The following WWOX variants were observed in gnomAD, a reference collection of about 807,000 sequenced individuals.
WWOX encodes the protein WW domain containing oxidoreductase.
WWOX carries 69 observed loss-of-function variants against 46.2 expected under a neutral mutation model. That is an observed-to-expected ratio of 1.49 (90% confidence interval 1.23 to 1.82). The LOEUF is 1.82. WWOX is among the 40% of genes most tolerant of loss of function. The pLI is 0.00. For synonymous variants in WWOX, 359 were observed against 202.6 expected (o/e 1.77, Z -6.56); for missense variants, 919 against 542.6 (o/e 1.69, Z -6.89).
At chr16:78,826,934 A>G (rs928512663) in intron 8 of WWOX, among the ~76,000 whole-genome samples, 3 of 152,122 alleles carry the variant, frequency 2.0e-5, no homozygotes, top group Non-Finnish European at 2.9e-5. Flanking sequence ...CCGGACACCA[A>G]GCTATTACAT....
chr16:78,911,721 C>T (rs894464528), intron 8 of WWOX, among the ~76,000 whole-genome samples: 16 of 151,958 alleles, frequency 1.1e-4, no homozygotes, highest in Non-Finnish European at 2.1e-4. Context: ...CAAAAATTAG[C>T]CAGACGTGAT....
chr16:78,815,834 A>T (rs1426845360), intron 8 of WWOX, among the ~76,000 whole-genome samples: 1 of 152,186 alleles, frequency 6.6e-6, no homozygotes, highest in Non-Finnish European at 1.5e-5. Flanking sequence ...CTATGAGTCC[A>T]TGCTGACATC....
chr16:78,520,388 C>G (rs1474112589), intron 8 of WWOX, among the ~76,000 whole-genome samples: 1 of 152,164 alleles, frequency 6.6e-6, no homozygotes, highest in Non-Finnish European at 1.5e-5. Context: ...ATTTTCATGT[C>G]TCGAAGACTT....
In WWOX at chr16:78,339,201, A is replaced by C. The variant is rs1045248914; in HGVS notation, c.517-47659A>C. The stretch of plus-strand genomic sequence containing the variant: ...TTGTTATAAATAAGTAAGTGTATGC[A>C]CCACTATGCCATGTAGCATATCAAG... On this transcript the variant is annotated intron_variant, in intron 5 of 8. Coordinates refer to ENST00000566780, the MANE Select transcript of WWOX (RefSeq NM_016373.4). Among the ~76,000 whole-genome samples, 35 of 119,504 alleles carry C rather than the reference A, an allele frequency of 2.9e-4. 9 individuals carry two copies. Among genetic ancestry groups the C allele is most frequent in the Non-Finnish European group, 1.2e-4 (6 of 50,168 alleles). 78.4% of individuals were successfully genotyped at this position (119,504 alleles called of 152,430 possible). A position where few individuals can be genotyped will look rare whatever the true frequency, so the allele number is the denominator to read the frequency against.
At chr16:78,442,006 T>C (rs1448561180) in intron 8 of WWOX, among the ~76,000 whole-genome samples, 2 of 151,434 alleles carry the variant, frequency 1.3e-5, no homozygotes, top group African/African-American at 4.9e-5. Context: ...GCATGGTGGC[T>C]CTTGCCTATA....
intron 8 of WWOX, among the ~76,000 whole-genome samples, chr16:78,827,229 A>T (rs1255048353): frequency 6.6e-6 from 1 of 152,186 alleles, no homozygotes; most frequent in Non-Finnish European, 1.5e-5. Flanking sequence ...ATCCTCTAAG[A>T]CAGTGAGAGC....
intron 8 of WWOX, among the ~76,000 whole-genome samples, chr16:78,861,174 C>T (rs914203730): frequency 7.2e-5 from 11 of 152,026 alleles, no homozygotes; most frequent in Non-Finnish European, 1.2e-4. Flanking sequence ...TTCTTCCTCT[C>T]TTTGCTTCTT....
At chr16:78,738,015 G>A (rs962643122) in intron 8 of WWOX, among the ~76,000 whole-genome samples, 1 of 152,200 alleles carries the variant, frequency 6.6e-6, no homozygotes, top group African/African-American at 2.4e-5. Context: ...TTCCCTGTCA[G>A]AGCCCGGTGG....
At position 78,278,617 on chromosome 16, in the gene WWOX, C is replaced by T. The variant is rs551189075; in HGVS notation, c.517-108243C>T. The T allele has an allele frequency of 2.0e-5, 33 of 1,610,720 alleles. No homozygotes were observed. In the South Asian group the frequency reaches 3.1e-4, roughly 15 times the overall value. ...GTATCTTACAGAAAACAAAATACCA[C>T]CCTCCGCCAGAAAAGTGCAGAATAA... On this transcript the variant is annotated intron_variant, in intron 5 of 8. Coordinates refer to ENST00000566780, the MANE Select transcript of WWOX (RefSeq NM_016373.4).
chr16:78,445,407 A>T (rs760534770), intron 8 of WWOX, among the ~76,000 whole-genome samples: 12 of 152,190 alleles, frequency 7.9e-5, no homozygotes, highest in Non-Finnish European at 1.8e-4. Flanking sequence ...ATCTAACATA[A>T]GCCGGGTGCT....
At chr16:78,153,086 C>A (rs781759700) in intron 4 of WWOX, among the ~76,000 whole-genome samples, 1 of 152,064 alleles carries the variant, frequency 6.6e-6, no homozygotes, top group South Asian at 2.1e-4. Context: ...AGCTGTGGAT[C>A]GTGTTTAGTA....
chr16:78,108,330 G>A, intron 1 of WWOX, 93 bp from the exon 2 acceptor site: 1 of 1,267,812 alleles, frequency 7.9e-7, no homozygotes, highest in East Asian at 2.6e-5. Context: ...TCTTATATCT[G>A]GCTATCTGGG....
At chr16:78,232,307 A>G (rs35544767) in intron 5 of WWOX, among the ~76,000 whole-genome samples, 7,948 of 152,290 alleles carry the variant, frequency 0.052, 642 homozygotes, top group African/African-American at 0.18. Flanking sequence ...ATGGAAGTCT[A>G]AAGAGAGTTT....
chr16:78,983,364 A>G (rs1217395652), intron 8 of WWOX, among the ~76,000 whole-genome samples: 2 of 152,178 alleles, frequency 1.3e-5, no homozygotes, highest in African/African-American at 4.8e-5. Flanking sequence ...TTCTTTCTTA[A>G]GTTGAGCATT....
intron 8 of WWOX, among the ~76,000 whole-genome samples, chr16:79,033,010 A>C (rs1404606267): frequency 3.3e-5 from 5 of 151,656 alleles, no homozygotes; most frequent in Non-Finnish European, 7.4e-5. Context: ...ATAAGTGAGA[A>C]CATATGGTAT....
At chr16:78,416,815 A>G (rs2082807926) in intron 6 of WWOX, among the ~76,000 whole-genome samples, 1 of 152,248 alleles carries the variant, frequency 6.6e-6, no homozygotes, top group Admixed American at 6.5e-5. Context: ...CTGGCAGGCC[A>G]GCAAGATACT....
At chr16:78,491,023 T>G (rs2084772723) in intron 8 of WWOX, among the ~76,000 whole-genome samples, 1 of 152,176 alleles carries the variant, frequency 6.6e-6, no homozygotes, top group Non-Finnish European at 1.5e-5. Flanking sequence ...CTCTCCCTCT[T>G]GGCCAACTTC....
chr16:79,066,159 G>T (rs546678917), intron 8 of WWOX, among the ~76,000 whole-genome samples: 1 of 152,038 alleles, frequency 6.6e-6, no homozygotes, highest in Admixed American at 6.6e-5. Context: ...CTTTGAGTTT[G>T]CCGTCCTCTC....
chr16:78,601,746 T>G (rs938272144), intron 8 of WWOX, among the ~76,000 whole-genome samples: 1 of 152,156 alleles, frequency 6.6e-6, no homozygotes, highest in African/African-American at 2.4e-5. Context: ...AGGATTAAGT[T>G]AGGGAGACAG....
Sources: gnomAD v4.1 joint callset for allele counts (sites outside exome capture counted in the v4.1 genomes callset) on GRCh38, gnomAD v4.1.1 for gene constraint, MANE v1.5 for transcripts, NCBI Gene and HGNC (gene_info 2026-07-23, HGNC 2026-07-21) for gene names.